The following CDH20 variants were observed in gnomAD, a reference collection of about 807,000 sequenced individuals.
The protein encoded by CDH20 is cadherin 20.
In CDH20, 29 loss-of-function variants were observed where a neutral mutation model predicts 74.2. That is an observed-to-expected ratio of 0.39 (90% CI 0.29 to 0.53). The LOEUF is 0.53. Among genes scored for constraint, CDH20 ranks in the 20% least tolerant of loss-of-function variants. The pLI, the probability that CDH20 is intolerant of heterozygous loss-of-function variation, is 0.69. For synonymous variants in CDH20, 469 were observed against 405.4 expected (o/e 1.16, Z -1.88); for missense variants, 988 against 1,048.3 (o/e 0.94, Z 0.79).
chr18:61,492,594 C>T (rs1375041276), intron 2 of CDH20, among the ~76,000 whole-genome samples: 1 of 152,322 alleles, frequency 6.6e-6, no homozygotes, highest in South Asian at 2.1e-4. Flanking sequence ...CCCTCATTCT[C>T]GCGTTGCAGC....
At chr18:61,485,130 C>T (rs1315928853) in intron 1 of CDH20, among the ~76,000 whole-genome samples, 2 of 152,150 alleles carry the variant, frequency 1.3e-5, no homozygotes, top group East Asian at 3.9e-4. Context: ...GTGGTGACCA[C>T]CTTTTCCAAG....
chr18:61,485,307 A>C (rs1437528904), intron 1 of CDH20, among the ~76,000 whole-genome samples: 2 of 152,210 alleles, frequency 1.3e-5, no homozygotes, highest in Non-Finnish European at 2.9e-5. Flanking sequence ...ATTGATTTTT[A>C]AGATATATCT....
intron 6 of CDH20, among the ~76,000 whole-genome samples, chr18:61,511,513 TCAAA>T (rs1443884157): frequency 6.6e-6 from 1 of 152,116 alleles, no homozygotes; most frequent in Non-Finnish European, 1.5e-5. Flanking sequence ...AAAACTCTAT[TCAAA>T]CAATTAAGCA....
intron 1 of CDH20, among the ~76,000 whole-genome samples, chr18:61,357,962 C>T (rs1910548580): frequency 6.6e-6 from 1 of 152,144 alleles, no homozygotes; most frequent in Non-Finnish European, 1.5e-5. Context: ...CTAGACTTCT[C>T]TTCCCCGAAC....
chr18:61,359,812 C>T (rs1910629223), intron 1 of CDH20, among the ~76,000 whole-genome samples: 1 of 152,156 alleles, frequency 6.6e-6, no homozygotes, highest in African/African-American at 2.4e-5. Context: ...ATGAGTCATC[C>T]ATAATTACAG....
chr18:61,454,739 T>C (rs1386289789), intron 1 of CDH20, among the ~76,000 whole-genome samples: 1 of 152,204 alleles, frequency 6.6e-6, no homozygotes, highest in Non-Finnish European at 1.5e-5. Flanking sequence ...ATCTTATATA[T>C]AGTTCAAGTA....
intron 1 of CDH20, among the ~76,000 whole-genome samples, chr18:61,437,785 C>T (rs1015865292): frequency 1.6e-4 from 25 of 152,082 alleles, no homozygotes; most frequent in African/African-American, 5.6e-4. Context: ...TCATTTCTAG[C>T]CCTCAAATTC....
At position 61,507,558 on chromosome 18, in the gene CDH20, A is replaced by G. The variant is rs779375311; in HGVS notation, c.1015A>G (p.Lys339Glu). The G allele has an allele frequency of 1.3e-6, 2 of 1,599,388 alleles. No individual in the cohort carries two copies. Among genetic ancestry groups the G allele is most frequent in the African/African-American group, 1.3e-5 (1 of 74,536 alleles). ...NFQVGIITVKKPLSFESKKSY... is the reference protein window; with the variant it reads ...NFQVGIITVKEPLSFESKKSY... The stretch of plus-strand genomic sequence containing the variant: ...CCAAGTTGGTATCATAACTGTGAAG[A>G]AGGTAATCCAACTCCTTTTTCTAAA... The change falls in exon 6 of 12, where the codon AAG becomes GAG. Residue 339 changes from lysine to glutamate, a missense_variant and splice_region_variant. Around this residue, in one of 2 missense-constraint regions of CDH20, gnomAD observed 613 missense variants for 755.2 expected, o/e 0.81. Transcript: ENST00000262717.
At chr18:61,362,259 T>C (rs1232975894) in intron 1 of CDH20, among the ~76,000 whole-genome samples, 1 of 152,224 alleles carries the variant, frequency 6.6e-6, no homozygotes, top group African/African-American at 2.4e-5. Context: ...AATTCTTTTT[T>C]CTTTATATGT....
At chr18:61,519,639 A>G (rs910666327) in intron 6 of CDH20, among the ~76,000 whole-genome samples, 1 of 151,354 alleles carries the variant, frequency 6.6e-6, no homozygotes, top group Non-Finnish European at 1.5e-5. Flanking sequence ...TATAGAAAGG[A>G]AAAACTGGTA....
chr18:61,476,095 G>T (rs182777190), intron 1 of CDH20, among the ~76,000 whole-genome samples: 3 of 151,966 alleles, frequency 2.0e-5, no homozygotes, highest in East Asian at 1.9e-4. Flanking sequence ...CTCCCACCCC[G>T]CAGGCTCTTC....
chr18:61,419,655 CT>C (rs967089310), intron 1 of CDH20, among the ~76,000 whole-genome samples: 3 of 151,200 alleles, frequency 2.0e-5, no homozygotes, highest in East Asian at 1.9e-4. Context: ...TGTAAAATCT[CT>C]TTTTTTTTCA....
chr18:61,480,264 A>G (rs1039848630), intron 1 of CDH20, among the ~76,000 whole-genome samples: 4 of 152,322 alleles, frequency 2.6e-5, no homozygotes, highest in Middle Eastern at 6.8e-3. Flanking sequence ...ACAATATTAC[A>G]TATTATTAGG....
chr18:61,372,715 G>C (rs921531109), intron 1 of CDH20, among the ~76,000 whole-genome samples: 1 of 152,178 alleles, frequency 6.6e-6, no homozygotes, highest in Non-Finnish European at 1.5e-5. Flanking sequence ...AGCTACGCTT[G>C]TTGATTTATG....
intron 1 of CDH20, among the ~76,000 whole-genome samples, chr18:61,484,460 T>C (rs1599116744): frequency 6.6e-6 from 1 of 152,108 alleles, no homozygotes; most frequent in East Asian, 1.9e-4. Flanking sequence ...TCGCCAGCCT[T>C]GGCGGATACG....
At chr18:61,336,686 G>A (rs1381448972) in intron 1 of CDH20, among the ~76,000 whole-genome samples, 1 of 152,030 alleles carries the variant, frequency 6.6e-6, no homozygotes, top group Non-Finnish European at 1.5e-5. Flanking sequence ...GCACTGTTTG[G>A]CCAAGCATTT....
At chr18:61,396,241 G>A (rs1333199288) in intron 1 of CDH20, among the ~76,000 whole-genome samples, 1 of 152,118 alleles carries the variant, frequency 6.6e-6, no homozygotes, top group Non-Finnish European at 1.5e-5. Context: ...TTCCTCTCCT[G>A]AAAGAGTATT....
chr18:61,349,730 A>G (rs1163572022), intron 1 of CDH20, among the ~76,000 whole-genome samples: 3 of 152,132 alleles, frequency 2.0e-5, no homozygotes, highest in African/African-American at 4.8e-5. Context: ...AGAGTATATA[A>G]ACTTCTAAAT....
At chr18:61,471,886 T>C (rs558583364) in intron 1 of CDH20, among the ~76,000 whole-genome samples, 14 of 152,200 alleles carry the variant, frequency 9.2e-5, no homozygotes, top group Non-Finnish European at 1.6e-4. Context: ...TAAGTAATGG[T>C]AAGTGAAAAA....
Sources: gnomAD v4.1 joint callset for allele counts (sites outside exome capture counted in the v4.1 genomes callset) on GRCh38, gnomAD v4.1.1 for gene constraint, gnomAD v4.1.1 regional missense constraint, MANE v1.5 for transcripts, NCBI Gene and HGNC (gene_info 2026-07-23, HGNC 2026-07-21) for gene names.